ARMH3: variants seen among roughly 807,000 people sequenced by gnomAD.
The protein encoded by ARMH3 is armadillo like helical domain containing 3.
A neutral mutation model predicts 99.1 loss-of-function variants in ARMH3; 60 were observed. The observed-to-expected ratio is 0.61, with a 90% CI of 0.49 to 0.75. The LOEUF is 0.75. ARMH3 is among the 30% of genes least tolerant of loss of function. The pLI, the probability that ARMH3 is intolerant of heterozygous loss-of-function variation, is 0.00. For synonymous variants in ARMH3, 285 were observed against 292.8 expected, an observed-to-expected ratio of 0.97 and a Z score of 0.27; for missense variants, 679 against 843.1, an observed-to-expected ratio of 0.81 and a Z score of 2.41.
At chr10:102,051,166 A>C (rs545884575) in intron 1 of ARMH3, among the ~76,000 whole-genome samples, 1 of 151,298 alleles carries the variant, frequency 6.6e-6, no homozygotes, top group South Asian at 2.1e-4. Flanking sequence ...TCAAAAAAAA[A>C]AAAAAAAAGA....
chr10:101,928,093 G>C (rs1843578969), intron 23 of ARMH3, among the ~76,000 whole-genome samples: 1 of 151,980 alleles, frequency 6.6e-6, no homozygotes, highest in Non-Finnish European at 1.5e-5. Context: ...ATAAGAAAGA[G>C]AAAATGTCAG....
At chr10:101,875,056 T>G (rs1214818600) in intron 24 of ARMH3, among the ~76,000 whole-genome samples, 1 of 152,210 alleles carries the variant, frequency 6.6e-6, no homozygotes, top group Non-Finnish European at 1.5e-5. Flanking sequence ...TCTGTACTTC[T>G]GCATGGAAGA....
chr10:102,040,713 C>T (rs2067390237), intron 1 of ARMH3, among the ~76,000 whole-genome samples: 1 of 152,076 alleles, frequency 6.6e-6, no homozygotes, highest in African/African-American at 2.4e-5. Context: ...AAGTGTAACT[C>T]GCTCCATCTG....
chr10:101,882,756 C>CAAAGTGCTG (rs1490514583), intron 24 of ARMH3, among the ~76,000 whole-genome samples: 6 of 152,172 alleles, frequency 3.9e-5, no homozygotes, highest in Admixed American at 2.0e-4. Context: ...CTTGCCCGCC[C>CAAAGTGCTG]AAAGTGCTGG....
At chr10:102,021,381 T>A (rs916437225) in intron 8 of ARMH3, among the ~76,000 whole-genome samples, 1 of 149,784 alleles carries the variant, frequency 6.7e-6, no homozygotes, top group Non-Finnish European at 1.5e-5. Context: ...TCCCCAGCCT[T>A]AGATTTTTTT....
intron 1 of ARMH3, among the ~76,000 whole-genome samples, chr10:102,045,919 A>C (rs1384956410): frequency 1.3e-5 from 2 of 151,898 alleles, no homozygotes; most frequent in Non-Finnish European, 2.9e-5. Context: ...ACATGGAGAA[A>C]CCCCATCTCT....
At chr10:101,949,766 A>G (rs137997187) in intron 22 of ARMH3, among the ~76,000 whole-genome samples, 2 of 152,298 alleles carry the variant, frequency 1.3e-5, no homozygotes, top group East Asian at 1.9e-4. Flanking sequence ...AAGAAATTGT[A>G]AGAAAGTAAA....
chr10:101,872,728 C>T (rs561484325), intron 24 of ARMH3, among the ~76,000 whole-genome samples: 1 of 151,766 alleles, frequency 6.6e-6, no homozygotes, highest in Admixed American at 6.6e-5. Context: ...GTAGCCAAGG[C>T]AGGTGGATCA....
At chr10:101,882,859 G>A (rs954201311) in intron 24 of ARMH3, among the ~76,000 whole-genome samples, 2 of 152,186 alleles carry the variant, frequency 1.3e-5, no homozygotes, top group Admixed American at 1.3e-4. Flanking sequence ...TAAAAGGGAA[G>A]TCAAAGACCA....
chr10:102,006,585 T>TA lies in ARMH3; in HGVS notation c.1002dup (p.Thr335TyrfsTer15). ...GTCCCAAGTGGTGTGACTGGGGTTG[T>TA]AGGAGCAGGACTGACAGGGGTCGTC... On this transcript the variant is annotated frameshift_variant, in exon 14 of 26. Transcript: ENST00000370033. LOFTEE classifies it high-confidence loss of function. 1 of 1,614,042 alleles carries TA rather than the reference T, an allele frequency of 6.2e-7. No individual in the cohort carries two copies. The highest frequency in any genetic ancestry group is 1.3e-5 in the African/African-American group (1 of 75,048).
intron 19 of ARMH3, among the ~76,000 whole-genome samples, chr10:101,988,416 G>C (rs918202834): frequency 6.6e-6 from 1 of 152,152 alleles, no homozygotes; most frequent in African/African-American, 2.4e-5. Context: ...ATGAAGTTCA[G>C]GGACCCCAGC....
At chr10:101,965,382 C>T (rs1845489966) in intron 20 of ARMH3, among the ~76,000 whole-genome samples, 1 of 152,086 alleles carries the variant, frequency 6.6e-6, no homozygotes, top group African/African-American at 2.4e-5. Flanking sequence ...GGAAAGGAGC[C>T]AAATATACTC....
intron 5 of ARMH3, among the ~76,000 whole-genome samples, chr10:102,028,948 T>C (rs980178123): frequency 6.6e-6 from 1 of 152,204 alleles, no homozygotes; most frequent in African/African-American, 2.4e-5. Context: ...CTTGGCTCAC[T>C]GCAACCTCCA....
chr10:101,931,723 G>A (rs1355581335), intron 23 of ARMH3, among the ~76,000 whole-genome samples: 1 of 152,106 alleles, frequency 6.6e-6, no homozygotes, highest in East Asian at 1.9e-4. Flanking sequence ...TTCAAGATTA[G>A]CCTGGGCAAC....
chr10:101,935,154 C>T (rs1056843308), intron 23 of ARMH3, among the ~76,000 whole-genome samples: 1 of 122,310 alleles, frequency 8.2e-6, no homozygotes, highest in Non-Finnish European at 1.7e-5. Flanking sequence ...CACCAAGAAG[C>T]GGAATCTCAA....
Position 102,001,976 on chromosome 10 carries a change from G to A in ARMH3, c.1145C>T (p.Thr382Ile). 6.2e-7 allele frequency: 1 copy of A among 1,613,978 alleles called. No individual in the cohort carries two copies. Among genetic ancestry groups the A allele is most frequent in the Non-Finnish European group, 8.5e-7 (1 of 1,179,898 alleles). ...LKYSSIVMQD[T>I]KDEHRLHSGK... ...CCAAAATAGCTATGGCTTACCTTTG[G>A]TGTCCTGCATGACAATTGAGCTATA... Residue 382 changes from threonine to isoleucine, a missense_variant, in exon 15 of 26, where the codon ACC (threonine) becomes ATC (isoleucine). Around this residue, in one of 3 missense-constraint regions of ARMH3, gnomAD observed 389 missense variants for 456.5 expected, o/e 0.85. Coordinates refer to ENST00000370033, the MANE Select transcript of ARMH3 (RefSeq NM_024541.3).
intron 24 of ARMH3, among the ~76,000 whole-genome samples, chr10:101,884,972 A>C (rs947834791): frequency 1.2e-4 from 18 of 152,228 alleles, no homozygotes; most frequent in South Asian, 2.1e-4. Context: ...ACAACAACAA[A>C]AAAATTCCCC....
chr10:101,935,174 AATATAT>A lies in ARMH3; in HGVS notation c.1781+4683_1781+4688del, dbSNP rs5787448. ...AGAAGCGGAATCTCAAAGGTGGAGC[AATATAT>A]ATATATATATATATATATACATTTT... On this transcript the variant is annotated intron_variant, in intron 23 of 25. Transcript: ENST00000370033. 2.0e-4 allele frequency among the ~76,000 whole-genome samples: 24 copies of A among 117,148 alleles called. No individual in the cohort carries two copies. The South Asian group carries it at 3.1e-3, about 15-fold the overall frequency. The allele number at this position is 117,148 out of a possible 152,430, so 76.9% of individuals were successfully genotyped here.
chr10:101,992,085 T>G (rs2136011333), intron 17 of ARMH3, 47 bp from the exon 18 acceptor site: 1 of 1,418,388 alleles, frequency 7.1e-7, no homozygotes, highest in East Asian at 2.3e-5. Flanking sequence ...ACACCGGCAC[T>G]GACATCCAAT....
Sources: allele counts gnomAD v4.1 joint callset (sites outside exome capture counted in the v4.1 genomes callset), GRCh38; gene constraint gnomAD v4.1.1; regional missense constraint gnomAD v4.1.1; transcripts MANE v1.5; gene names NCBI Gene and HGNC (gene_info 2026-07-23, HGNC 2026-07-21).